The following MAP4 variants were observed in gnomAD, a reference collection of about 807,000 sequenced individuals.
MAP4 encodes microtubule associated protein 4, also known as microtubule-associated protein 4.
MAP4 carries 76 observed loss-of-function variants against 170.2 expected under a neutral mutation model. That is an observed-to-expected ratio of 0.45 (90% CI 0.37 to 0.54). MAP4 has a LOEUF of 0.54. Ranked by LOEUF, MAP4 falls within the 20% of genes least tolerant of loss-of-function variation. The pLI, the probability that MAP4 is intolerant of heterozygous loss-of-function variation, is 0.00. For missense variants in MAP4, 2,506 were observed against 2,748.0 expected (o/e 0.91, Z 1.97); for synonymous variants, 909 against 994.5 (o/e 0.91, Z 1.62).
rs548702909 is a variant in MAP4, at chr3:47,921,409, T to C, written c.529+356A>G. Among the ~76,000 whole-genome samples the C allele has an allele frequency of 2.0e-3, 306 of 150,742 alleles. 4 individuals are homozygous for C. The highest frequency in any genetic ancestry group is 7.6e-3 in the South Asian group (36 of 4,738). On this transcript the variant is annotated intron_variant, in intron 5 of 20. Coordinates refer to ENST00000683076, the MANE Select transcript of MAP4 (RefSeq NM_001385682.1). ...TATTATTAGCCTGGAGATGGCACCA[T>C]AGGAATCTACACAGCAACCTTTACT... is the stretch of plus-strand genomic sequence containing the variant.
intron 3 of MAP4, among the ~76,000 whole-genome samples, chr3:47,972,196 T>G (rs1270943775): frequency 8.5e-5 from 13 of 152,248 alleles, no homozygotes; most frequent in Non-Finnish European, 1.8e-4. Context: ...CTTGCAACCC[T>G]ACTGTAAACA....
intron 1 of MAP4, among the ~76,000 whole-genome samples, chr3:48,061,503 GC>G (rs1318959284): frequency 6.6e-6 from 1 of 152,168 alleles, no homozygotes; most frequent in Non-Finnish European, 1.5e-5. Context: ...GCTCAATGTT[GC>G]CCAGGCTGGA....
chr3:47,892,781 ACT>A (rs2100024719), intron 10 of MAP4: 4 of 1,224,310 alleles, frequency 3.3e-6, no homozygotes, highest in African/African-American at 3.1e-5. Flanking sequence ...GTGAACTAGC[ACT>A]CTGTTTAGAT....
intron 17 of MAP4, among the ~76,000 whole-genome samples, chr3:47,863,698 C>G (rs920713039): frequency 1.3e-5 from 2 of 151,906 alleles, no homozygotes; most frequent in African/African-American, 4.8e-5. Context: ...GGAACCAAAA[C>G]GGACACAAAA....
At chr3:47,880,441 A>G (rs2096515096) in intron 10 of MAP4, among the ~76,000 whole-genome samples, 1 of 142,710 alleles carries the variant, frequency 7.0e-6, no homozygotes, top group Admixed American at 7.0e-5. Context: ...CTAACCTTGT[A>G]TACCTGAAAT....
chr3:48,056,952 G>A (rs1311494259), intron 1 of MAP4, among the ~76,000 whole-genome samples: 25 of 112,908 alleles, frequency 2.2e-4, no homozygotes, highest in East Asian at 5.8e-4. Flanking sequence ...TCAGCCCCCC[G>A]CCCGGCCAGC....
In MAP4 at chr3:47,910,042, G is replaced by T. The variant is rs2100035178; in HGVS notation, c.4379C>A (p.Thr1460Asn). 1 of 1,613,886 alleles carries T rather than the reference G, an allele frequency of 6.2e-7. No individual in the cohort carries two copies. The highest frequency in any genetic ancestry group is 1.3e-5 in the African/African-American group (1 of 74,932). Residue 1460 changes from threonine to asparagine, a missense_variant, in exon 9 of 21, where the codon ACC becomes AAC. Around this residue, in one of 3 missense-constraint regions of MAP4, gnomAD observed 2,008 missense variants for 2,206.0 expected, o/e 0.91. Coordinates refer to ENST00000683076, the MANE Select transcript of MAP4 (RefSeq NM_001385682.1). Reference protein sequence around the residue: ...VVKEGDSFPDTLAKNGQEIAP... With the variant: ...VVKEGDSFPDNLAKNGQEIAP... ...TATCTCTTGCCCATTTTTTGCCAAG[G>T]TATCTGGAAAGGAATCACCTTCCTT...
chr3:48,023,350 A>T (rs1322813450), intron 1 of MAP4, among the ~76,000 whole-genome samples: 2 of 152,196 alleles, frequency 1.3e-5, no homozygotes, highest in Non-Finnish European at 2.9e-5. Context: ...ATCCATAAAG[A>T]AGGATATTTT....
chr3:47,910,009 G>A lies in MAP4; in HGVS notation c.4412C>T (p.Ala1471Val). The change falls in exon 9 of 21, where the codon GCC (alanine) becomes GTC (valine). Residue 1471 changes from alanine to valine, a missense_variant. Physicochemically the swap from Ala to Val is moderately conservative, Grantham distance 64 (BLOSUM62 0). Coordinates refer to ENST00000683076, the MANE Select transcript of MAP4 (RefSeq NM_001385682.1). The stretch of plus-strand genomic sequence containing the variant: ...TACCATTAATGATTTGGAAATCTGG[G>A]CTGGGGCTATCTCTTGCCCATTTTT... ...LAKNGQEIAP[A>V]QISKSLMVDN... 6.2e-7 allele frequency: 1 copy of A among 1,613,968 alleles called. No individual in the cohort carries two copies. The highest frequency in any genetic ancestry group is 8.5e-7 in the Non-Finnish European group (1 of 1,179,888).
chr3:48,057,124 T>C lies in MAP4; in HGVS notation c.-20+31649A>G, dbSNP rs979086425. 4.6e-5 allele frequency among the ~76,000 whole-genome samples: 7 copies of C among 151,862 alleles called. 1 individual carries two copies. Among genetic ancestry groups the C allele is most frequent in the Admixed American group, 3.3e-4 (5 of 15,294 alleles). ...CTGGGAGGTGTGCCCACTAGCTCATTGAGAACGGGCCAGGATGACAATGGC... is the reference window on the plus strand; with the variant it reads ...CTGGGAGGTGTGCCCACTAGCTCATCGAGAACGGGCCAGGATGACAATGGC... On this transcript the variant is annotated intron_variant, in intron 1 of 18. Transcript: ENST00000360240.
Position 47,852,262 on chromosome 3 carries a change from A to T in MAP4, c.*672T>A, listed in dbSNP as rs1576550612. The stretch of plus-strand genomic sequence containing the variant: ...TAGGTTATTAGAAAAAAATAAAAGG[A>T]CAAAACAAGAAAAATGTGACAGCAG... On this transcript the variant is annotated 3_prime_UTR_variant, in exon 21 of 21. Transcript: ENST00000683076. 1 of 154,742 alleles carries T rather than the reference A, an allele frequency of 6.5e-6. No individual in the cohort carries two copies. Among genetic ancestry groups the T allele is most frequent in the South Asian group, 2.0e-4 (1 of 4,900 alleles). 9.6% of individuals were successfully genotyped at this position (154,742 alleles called of 1,614,324 possible).
rs1198678507 is a variant in MAP4, at chr3:47,911,699, G to A, written c.2722C>T (p.His908Tyr). 1 of 1,536,124 alleles carries A rather than the reference G, an allele frequency of 6.5e-7. No homozygotes were observed. ...CTTTTATCTACAGGAGTCTTCAGGT[G>A]GGGTGCAGGCTGTGGTTTGTATTCA... ...QHEYKPQPAP[H>Y]LKTPVDKSQS... Residue 908 changes from histidine to tyrosine, a missense_variant, in exon 9 of 21, where the codon CAC (histidine) becomes TAC (tyrosine). By Grantham distance (83) the His-to-Tyr change is moderately conservative. Coordinates refer to ENST00000683076, the MANE Select transcript of MAP4 (RefSeq NM_001385682.1). The surrounding 1 kb of genome is among the most constrained non-coding windows in gnomAD (Gnocchi z 4.0).
At chr3:48,042,904 G>A (rs2100122403) in intron 1 of MAP4, among the ~76,000 whole-genome samples, 1 of 152,136 alleles carries the variant, frequency 6.6e-6, no homozygotes, top group South Asian at 2.1e-4. Flanking sequence ...ATTAATCTGT[G>A]TATATAAAAT....
chr3:47,857,480 A>C lies in MAP4; in HGVS notation c.6534T>G (p.Ser2178=). The C allele has an allele frequency of 6.2e-7, 1 of 1,614,098 alleles. No individual in the cohort carries two copies. The highest frequency in any genetic ancestry group is 8.5e-7 in the Non-Finnish European group (1 of 1,179,926). The change falls in exon 18 of 21, where the codon TCT becomes TCG. Residue 2178 remains serine (S), a synonymous_variant. Coordinates refer to ENST00000683076, the MANE Select transcript of MAP4 (RefSeq NM_001385682.1). Reference sequence around the variant, plus strand: ...TAGACCCACACTTGGAGGAGACCTTAGAGATGTCCACTTTCTTGTTCTGAA... The same window carrying C: ...TAGACCCACACTTGGAGGAGACCTTCGAGATGTCCACTTTCTTGTTCTGAA... ...VQIQNKKVDI[S]KVSSKCGSKA...
chr3:47,910,825 T>G lies in MAP4; in HGVS notation c.3596A>C (p.His1199Pro). Reference sequence around the variant, plus strand: ...TTCAGAAATCCAGGGAGCTGCCTCATGATCCTTCCATGGACACCTTCCTTC... The same window carrying G: ...TTCAGAAATCCAGGGAGCTGCCTCAGGATCCTTCCATGGACACCTTCCTTC... ...SKEGRCPWKD[H>P]EAAPWISEKP... The change falls in exon 9 of 21, where the codon CAT becomes CCT. Residue 1199 changes from histidine to proline, a missense_variant. Coordinates refer to ENST00000683076, the MANE Select transcript of MAP4 (RefSeq NM_001385682.1). 3.3e-6 allele frequency: 5 copies of G among 1,536,166 alleles called. No individual in the cohort carries two copies. The highest frequency in any genetic ancestry group is 4.4e-6 in the Non-Finnish European group (5 of 1,146,914).
At chr3:48,022,910 T>G (rs1454137007) in intron 1 of MAP4, among the ~76,000 whole-genome samples, 3 of 151,788 alleles carry the variant, frequency 2.0e-5, no homozygotes, top group African/African-American at 7.3e-5. Context: ...AAAAAAAAAT[T>G]TATTTTCCAG....
chr3:47,977,622 A>G (rs1312661624), intron 3 of MAP4, among the ~76,000 whole-genome samples: 1 of 152,218 alleles, frequency 6.6e-6, no homozygotes, highest in African/African-American at 2.4e-5. Flanking sequence ...AGGTTGATCC[A>G]GTTCTTGTGT....
rs539121300 is a variant in MAP4 at position 48,076,576 on chromosome 3, G to C, written c.-20+12197C>G. 8.6e-5 allele frequency among the ~76,000 whole-genome samples: 13 copies of C among 151,752 alleles called. No individual in the cohort carries two copies. The South Asian group carries it at 2.5e-3, about 29-fold the overall frequency. ...CACCTGTAGTCCTACCTACTCAGGA[G>C]ACTGAGGTGGAAGGATAGCTTGAGC... On this transcript the variant is annotated intron_variant, in intron 1 of 18. Transcript: ENST00000360240.
At chr3:48,055,205 C>T (rs1055920018) in intron 1 of MAP4, among the ~76,000 whole-genome samples, 1 of 111,370 alleles carries the variant, frequency 9.0e-6, no homozygotes, top group South Asian at 2.8e-4. Context: ...TCTCCGTCTC[C>T]GTCTCCGTCT....
Sources: gnomAD v4.1 joint callset for allele counts (sites outside exome capture counted in the v4.1 genomes callset) on GRCh38, gnomAD v4.1.1 for gene constraint, gnomAD v4.1.1 regional missense constraint, Gnocchi (gnomAD v3.1) non-coding constraint, MANE v1.5 for transcripts, NCBI Gene and HGNC (gene_info 2026-07-23, HGNC 2026-07-21) for gene names.